The following DNAH9 variants were observed in gnomAD, a reference collection of about 807,000 sequenced individuals.
DNAH9 encodes dynein axonemal heavy chain 9, also known as DNAH9 variant protein.
Under a neutral mutation model 471.6 loss-of-function variants are expected in DNAH9, and 345 were observed. The observed-to-expected ratio is 0.73, with a 90% confidence interval of 0.67 to 0.80. DNAH9 has a LOEUF of 0.80. Ranked by LOEUF, DNAH9 falls within the 30% of genes least tolerant of loss-of-function variation. DNAH9 has a pLI of 0.00. For synonymous variants in DNAH9, 2,093 were observed against 2,123.6 expected (o/e 0.99, Z 0.40); for missense variants, 5,407 against 5,609.2 (o/e 0.96, Z 1.15).
intron 7 of DNAH9, among the ~76,000 whole-genome samples, chr17:11,631,226 A>G (rs1031183537): frequency 5.9e-5 from 9 of 152,214 alleles, no homozygotes; most frequent in Non-Finnish European, 1.2e-4. Context: ...AAGGGCCAGT[A>G]TGAAAACAGA....
At chr17:11,923,379 T>C (rs1371980228) in intron 61 of DNAH9, among the ~76,000 whole-genome samples, 1 of 151,942 alleles carries the variant, frequency 6.6e-6, no homozygotes, top group Admixed American at 6.6e-5. Flanking sequence ...TGGCGCAATC[T>C]CGGCTCATTG....
intron 36 of DNAH9, among the ~76,000 whole-genome samples, chr17:11,766,036 G>A (rs1297748136): frequency 2.6e-5 from 4 of 152,020 alleles, no homozygotes; most frequent in Non-Finnish European, 4.4e-5. Flanking sequence ...GGCGTCCTGC[G>A]CACTGGAGCA....
At position 11,874,958 on chromosome 17, in the gene DNAH9, C is replaced by T. The variant is rs1194750601; in HGVS notation, c.10252C>T (p.Pro3418Ser). The T allele has an allele frequency of 1.2e-6, 2 of 1,613,566 alleles. No individual in the cohort carries two copies. Among genetic ancestry groups the T allele is most frequent in the Non-Finnish European group, 1.7e-6 (2 of 1,179,618 alleles). The stretch of plus-strand genomic sequence containing the variant: ...GTTTCTTCTTCACCAGACTCCCATT[C>T]CAGTCACCCCAGCCCTGGATCCCCT... Reference protein sequence around the residue: ...PYLSQLKTPIPVTPALDPLRM... With the variant: ...PYLSQLKTPISVTPALDPLRM... Residue 3418 changes from proline (P) to serine (S), a missense_variant, in exon 53 of 69, where the codon CCA becomes TCA. Physicochemically the swap from Pro to Ser is moderately conservative, Grantham distance 74. Coordinates refer to ENST00000262442, the MANE Select transcript of DNAH9 (RefSeq NM_001372.4).
rs760399185 is a variant in DNAH9 at position 11,669,481 on chromosome 17, T to C, written c.3040T>C (p.Ser1014Pro). 13 of 1,614,072 alleles carry C rather than the reference T, an allele frequency of 8.1e-6. No homozygotes were observed. Among genetic ancestry groups the C allele is most frequent in the Admixed American group, 3.3e-5 (2 of 60,012 alleles). Reference sequence around the variant, plus strand: ...CTATCAGAGCACCTTCAGCCAGTATTCGTACCTCTATGTGGAGGACCGGAA... The same window carrying C: ...CTATCAGAGCACCTTCAGCCAGTATCCGTACCTCTATGTGGAGGACCGGAA... The part of the protein sequence containing the change: ...CGYQSTFSQY[S>P]YLYVEDRKEV... Residue 1014 changes from serine (S) to proline (P), a missense_variant, in exon 17 of 69, where the codon TCG becomes CCG. Ser to Pro is a moderately conservative substitution (Grantham distance 74). Around this residue, in one of 3 missense-constraint regions of DNAH9, gnomAD observed 4,636 missense variants for 4,900.3 expected, o/e 0.95. Coordinates refer to ENST00000262442, the MANE Select transcript of DNAH9 (RefSeq NM_001372.4).
At chr17:11,743,150 C>T (rs1246194917) in intron 30 of DNAH9, among the ~76,000 whole-genome samples, 1 of 152,170 alleles carries the variant, frequency 6.6e-6, no homozygotes, top group Non-Finnish European at 1.5e-5. Context: ...TAAGCCCAAG[C>T]TTCCTTCTCC....
Position 11,892,052 on chromosome 17 carries a change from C to A in DNAH9, c.11283+105C>A. Reference sequence around the variant, plus strand: ...TTGAACATCACTTTCCACAGCATGTCCAGACTATCTGTCTTTGGATAGAGG... The same window carrying A: ...TTGAACATCACTTTCCACAGCATGTACAGACTATCTGTCTTTGGATAGAGG... On this transcript the variant is annotated intron_variant, in intron 58 of 68. Coordinates refer to ENST00000262442, the MANE Select transcript of DNAH9 (RefSeq NM_001372.4). This position sits in a 1 kb window ranked among gnomAD's most constrained non-coding sequence, Gnocchi z 4.3. 7.5e-7 allele frequency: 1 copy of A among 1,327,606 alleles called. No individual in the cohort carries two copies. Among genetic ancestry groups the A allele is most frequent in the Non-Finnish European group, 1.1e-6 (1 of 948,658 alleles). 82.2% of individuals were successfully genotyped at this position (1,327,606 alleles called of 1,614,324 possible). A position where few individuals can be genotyped will look rare whatever the true frequency, so the allele number is the denominator to read the frequency against.
chr17:11,610,613 C>G, intron 3 of DNAH9, 59 bp downstream of exon 3: 1 of 1,544,528 alleles, frequency 6.5e-7, no homozygotes, highest in Non-Finnish European at 8.8e-7. Context: ...GAGACTAAAG[C>G]TAGAGCTTTC....
intron 6 of DNAH9, 111 bp downstream of exon 6, chr17:11,619,892 A>C: frequency 1.5e-6 from 1 of 660,066 alleles, no homozygotes; most frequent in Non-Finnish European, 2.7e-6. Context: ...CCAACCCTCC[A>C]TCAGCTGGAA....
intron 48 of DNAH9, among the ~76,000 whole-genome samples, chr17:11,823,771 A>C (rs1970396482): frequency 6.6e-6 from 1 of 152,008 alleles, no homozygotes; most frequent in African/African-American, 2.4e-5. Flanking sequence ...CTCTACTAAA[A>C]ATACAAAAAT....
intron 45 of DNAH9, among the ~76,000 whole-genome samples, chr17:11,818,285 T>C (rs79839757): frequency 0.049 from 7,443 of 152,106 alleles, 625 homozygotes; most frequent in African/African-American, 0.17. Flanking sequence ...GAAAATTAGC[T>C]GGGCATGGTG....
chr17:11,964,495 AG>A (rs1198374469), intron 68 of DNAH9, among the ~76,000 whole-genome samples: 4 of 152,198 alleles, frequency 2.6e-5, no homozygotes, highest in Non-Finnish European at 5.9e-5. Context: ...TTGTTCTCAA[AG>A]GTTTTATCCC....
chr17:11,607,717 C>A (rs1049002233), intron 1 of DNAH9, among the ~76,000 whole-genome samples: 2 of 152,002 alleles, frequency 1.3e-5, no homozygotes, highest in Admixed American at 1.3e-4. Flanking sequence ...TCACAGGAAC[C>A]CGCCACCACA....
intron 33 of DNAH9, among the ~76,000 whole-genome samples, chr17:11,755,421 C>T (rs1026011458): frequency 6.6e-6 from 1 of 152,142 alleles, no homozygotes; most frequent in Non-Finnish European, 1.5e-5. Flanking sequence ...GCAGTATGGT[C>T]ATTTAATGAG....
intron 38 of DNAH9, among the ~76,000 whole-genome samples, chr17:11,775,968 G>C (rs12601250): frequency 0.56 from 84,790 of 151,960 alleles, 25,911 homozygotes; most frequent in African/African-American, 0.83. Flanking sequence ...ACATCCAGTT[G>C]TGGAGTCTCC....
intron 1 of DNAH9, among the ~76,000 whole-genome samples, chr17:11,601,733 C>T (rs898473447): frequency 6.6e-6 from 1 of 152,114 alleles, no homozygotes; most frequent in East Asian, 1.9e-4. Context: ...TGTCCACCCC[C>T]TCTCCTCTCT....
At chr17:11,666,171 G>A (rs1192442152) in intron 15 of DNAH9, among the ~76,000 whole-genome samples, 6 of 152,218 alleles carry the variant, frequency 3.9e-5, no homozygotes, top group African/African-American at 1.4e-4. Flanking sequence ...TTACGGACCA[G>A]CACTGGTGGT....
At position 11,932,701 on chromosome 17, in the gene DNAH9, A is replaced by G. The variant is rs1974560104; in HGVS notation, c.12297+496A>G. Among the ~76,000 whole-genome samples, 1 of 152,166 alleles carries G rather than the reference A, an allele frequency of 6.6e-6. No homozygotes were observed. Among genetic ancestry groups the G allele is most frequent in the African/African-American group, 2.4e-5 (1 of 41,452 alleles). On this transcript the variant is annotated intron_variant, in intron 64 of 68. Transcript: ENST00000262442. The surrounding 1 kb of genome is among the most constrained non-coding windows in gnomAD (Gnocchi z 4.3). ...TAACCCAAAGGCTGAGAATAGTACA[A>G]CTGTGAGGTGAGAGCCATGGACGCT...
At chr17:11,647,373 A>G (rs946183670) in intron 12 of DNAH9, among the ~76,000 whole-genome samples, 175 bp downstream of exon 12, 2 of 152,128 alleles carry the variant, frequency 1.3e-5, no homozygotes, top group Non-Finnish European at 2.9e-5. Flanking sequence ...CCTGGGTTCA[A>G]GTGATTCTCC....
intron 22 of DNAH9, among the ~76,000 whole-genome samples, chr17:11,698,364 A>C (rs1289819409): frequency 6.1e-5 from 7 of 114,686 alleles, no homozygotes; most frequent in Non-Finnish European, 1.2e-4. Flanking sequence ...TATATTATAT[A>C]TAAAATAACA....
Sources: allele counts gnomAD v4.1 joint callset (sites outside exome capture counted in the v4.1 genomes callset), GRCh38; gene constraint gnomAD v4.1.1; regional missense constraint gnomAD v4.1.1; non-coding constraint Gnocchi (gnomAD v3.1); transcripts MANE v1.5; gene names NCBI Gene and HGNC (gene_info 2026-07-23, HGNC 2026-07-21).